B3GALT1: variants seen among roughly 807,000 people sequenced by gnomAD.
B3GALT1 encodes UDP-Gal:betaGlcNAc beta 1,3-galactosyltransferase, polypeptide 1.
A neutral mutation model predicts 23.2 loss-of-function variants in B3GALT1; 10 were observed. The observed-to-expected ratio is 0.43, with a 90% CI of 0.27 to 0.73. B3GALT1 has a LOEUF of 0.73. B3GALT1 is among the 30% of genes least tolerant of loss of function. B3GALT1 has a pLI of 0.21. For synonymous variants in B3GALT1, 156 were observed against 141.5 expected (o/e 1.10, Z -0.73); for missense variants, 299 against 405.4 (o/e 0.74, Z 2.25).
At chr2:167,667,857 T>G (rs139471712) in intron 3 of B3GALT1, among the ~76,000 whole-genome samples, 23,765 of 152,216 alleles carry the variant, frequency 0.16, 2,558 homozygotes, top group Non-Finnish European at 0.24. Flanking sequence ...TTCTAAATTT[T>G]TTTGAAAGTT....
chr2:167,373,961 A>G (rs1419963510), intron 1 of B3GALT1, among the ~76,000 whole-genome samples: 2 of 152,170 alleles, frequency 1.3e-5, no homozygotes, highest in Non-Finnish European at 1.5e-5. Flanking sequence ...CGTCACCCAG[A>G]TACTGAACAT....
At chr2:167,572,154 A>G (rs567209246) in intron 2 of B3GALT1, among the ~76,000 whole-genome samples, 1 of 151,972 alleles carries the variant, frequency 6.6e-6, no homozygotes, top group South Asian at 2.1e-4. Context: ...AATAATTAAA[A>G]TGAAAGTCAT....
At chr2:167,856,630 C>T (rs1175940306) in intron 4 of B3GALT1, among the ~76,000 whole-genome samples, 2 of 152,058 alleles carry the variant, frequency 1.3e-5, no homozygotes, top group East Asian at 3.8e-4. Flanking sequence ...TCAGTGTGTC[C>T]AAAGCAGCTG....
chr2:167,764,747 C>T (rs1687949223), intron 3 of B3GALT1, among the ~76,000 whole-genome samples: 2 of 152,118 alleles, frequency 1.3e-5, no homozygotes, highest in South Asian at 4.1e-4. Flanking sequence ...TAAGGAAGGA[C>T]TCCACAGATT....
chr2:167,443,754 A>G (rs1489771692), intron 1 of B3GALT1, among the ~76,000 whole-genome samples: 9 of 152,206 alleles, frequency 5.9e-5, no homozygotes, highest in African/African-American at 2.2e-4. Context: ...TTATCAGCTT[A>G]AGGAGATTTT....
chr2:167,477,648 A>AATATT (rs1699506016), intron 1 of B3GALT1, among the ~76,000 whole-genome samples: 1 of 152,226 alleles, frequency 6.6e-6, no homozygotes, highest in South Asian at 2.1e-4. Context: ...TGTCTAACAA[A>AATATT]ATAATAGAGT....
At chr2:167,667,720 C>A (rs1233039962) in intron 3 of B3GALT1, among the ~76,000 whole-genome samples, 1 of 152,200 alleles carries the variant, frequency 6.6e-6, no homozygotes, top group Non-Finnish European at 1.5e-5. Context: ...ATCGCTGATG[C>A]CCTTTCTTCC....
chr2:167,302,744 T>C (rs763115596), intron 1 of B3GALT1, among the ~76,000 whole-genome samples: 1 of 152,182 alleles, frequency 6.6e-6, no homozygotes, highest in Admixed American at 6.5e-5. Flanking sequence ...CAATATGAGC[T>C]ATTCTAGTCT....
At chr2:167,826,433 T>C (rs538803002) in intron 4 of B3GALT1, among the ~76,000 whole-genome samples, 1 of 152,294 alleles carries the variant, frequency 6.6e-6, no homozygotes, top group Non-Finnish European at 1.5e-5. Flanking sequence ...CAGGAGATGG[T>C]GGGCTAGACT....
chr2:167,561,932 G>A (rs1456865916), intron 2 of B3GALT1, among the ~76,000 whole-genome samples: 1 of 152,180 alleles, frequency 6.6e-6, no homozygotes, highest in Non-Finnish European at 1.5e-5. Flanking sequence ...TAGAAAAAGA[G>A]GGAATCCTCC....
chr2:167,702,715 G>A (rs980029300), intron 3 of B3GALT1, among the ~76,000 whole-genome samples: 5 of 152,034 alleles, frequency 3.3e-5, no homozygotes, highest in Non-Finnish European at 4.4e-5. Context: ...ATAATAAAAC[G>A]GAAACAGTGT....
intron 1 of B3GALT1, among the ~76,000 whole-genome samples, chr2:167,469,118 G>A (rs1699387737): frequency 6.6e-6 from 1 of 152,148 alleles, no homozygotes; most frequent in Non-Finnish European, 1.5e-5. Context: ...CAGAATTGTA[G>A]CAATCAAATA....
Position 167,531,297 on chromosome 2 carries a change from G to T in B3GALT1, c.-410+41020G>T, listed in dbSNP as rs189486074. The stretch of plus-strand genomic sequence containing the variant: ...GTGAGGGTGGATTGGGGTGGAGTTG[G>T]CAGGGGAAAAGGAAAGGGGATAGAG... On this transcript the variant is annotated intron_variant, in intron 2 of 4. Coordinates refer to ENST00000392690, the MANE Select transcript of B3GALT1 (RefSeq NM_020981.4). Among the ~76,000 whole-genome samples the T allele has an allele frequency of 1.4e-3, 211 of 152,244 alleles. No homozygotes were observed. The Middle Eastern group carries it at 0.02, about 15-fold the overall frequency.
At chr2:167,777,644 G>A (rs1469600547) in intron 3 of B3GALT1, among the ~76,000 whole-genome samples, 1 of 152,086 alleles carries the variant, frequency 6.6e-6, no homozygotes, top group Admixed American at 6.6e-5. Flanking sequence ...CACCACACCT[G>A]GCCAAAACCT....
At chr2:167,645,867 G>A (rs1013229523) in intron 2 of B3GALT1, among the ~76,000 whole-genome samples, 5 of 151,900 alleles carry the variant, frequency 3.3e-5, no homozygotes, top group African/African-American at 1.2e-4. Flanking sequence ...CACCACACCC[G>A]GCCCAATAAA....
intron 1 of B3GALT1, among the ~76,000 whole-genome samples, chr2:167,375,315 A>G (rs1265788486): frequency 4.0e-5 from 6 of 151,890 alleles, no homozygotes; most frequent in South Asian, 4.2e-4. Context: ...TTTTGTGGCT[A>G]TTTGGGCTCT....
rs1430938490 is a variant in B3GALT1, at chr2:167,831,506, G to A, written c.-230+12713G>A. ...TATGTTCTTAAAATGGCCAAAATAAGGATTTGAGGTAAACACTTGTGGCCA... is the reference window on the plus strand; with the variant it reads ...TATGTTCTTAAAATGGCCAAAATAAAGATTTGAGGTAAACACTTGTGGCCA... On this transcript the variant is annotated intron_variant, in intron 4 of 4. Coordinates refer to ENST00000392690, the MANE Select transcript of B3GALT1 (RefSeq NM_020981.4). Among the ~76,000 whole-genome samples the A allele has an allele frequency of 3.3e-5, 5 of 152,154 alleles. No individual in the cohort carries two copies. In the East Asian group the frequency reaches 9.6e-4, roughly 29 times the overall value.
chr2:167,785,553 G>A (rs1294948283), intron 3 of B3GALT1, among the ~76,000 whole-genome samples: 1 of 152,164 alleles, frequency 6.6e-6, no homozygotes, highest in Non-Finnish European at 1.5e-5. Context: ...AGATTCAAAT[G>A]AACAGTATAA....
chr2:167,362,158 C>T (rs1697510137), intron 1 of B3GALT1, among the ~76,000 whole-genome samples: 1 of 151,776 alleles, frequency 6.6e-6, no homozygotes, highest in Non-Finnish European at 1.5e-5. Flanking sequence ...AATATGTATT[C>T]TACATTTCAA....
Sources: allele counts gnomAD v4.1 joint callset (sites outside exome capture counted in the v4.1 genomes callset), GRCh38; gene constraint gnomAD v4.1.1; transcripts MANE v1.5; gene names NCBI Gene and HGNC (gene_info 2026-07-23, HGNC 2026-07-21).